The following GLG1 variants were observed in gnomAD, a reference collection of about 807,000 sequenced individuals.
GLG1 encodes Golgi apparatus protein 1.
A neutral mutation model predicts 160.5 loss-of-function variants in GLG1; 38 were observed. The observed-to-expected ratio is 0.24, with a 90% CI of 0.18 to 0.31. The LOEUF (loss-of-function observed/expected upper bound fraction) is 0.31. Among genes scored for constraint, GLG1 ranks in the 10% least tolerant of loss-of-function variants. The pLI is 1.00. For synonymous variants in GLG1, 644 were observed against 543.4 expected (o/e 1.19, Z -2.57); for missense variants, 1,373 against 1,505.2 (o/e 0.91, Z 1.45).
chr16:74,495,860 T>C (rs369608052), intron 5 of GLG1, among the ~76,000 whole-genome samples: 9 of 152,344 alleles, frequency 5.9e-5, no homozygotes, highest in East Asian at 1.9e-4. Flanking sequence ...GTCATCAAGG[T>C]TGAGCATCCA....
In GLG1 at chr16:74,494,826, T is replaced by G; in HGVS notation, c.984A>C (p.Gln328His). 1 of 1,462,728 alleles carries G rather than the reference T, an allele frequency of 6.8e-7. No homozygotes were observed. Among genetic ancestry groups the G allele is most frequent in the Non-Finnish European group, 9.6e-7 (1 of 1,042,184 alleles). 90.6% of individuals were successfully genotyped at this position (1,462,728 alleles called of 1,614,324 possible). A position where few individuals can be genotyped will look rare whatever the true frequency, so the allele number is the denominator to read the frequency against. The part of the protein sequence containing the change: ...DDRERFCENT[Q>H]AGEGRVYKCL... ...ACTTATACACTCTGCCCTCACCAGCTTGTGTCTATAAGATGGAACATACAC... is the reference window on the plus strand; with the variant it reads ...ACTTATACACTCTGCCCTCACCAGCGTGTGTCTATAAGATGGAACATACAC... The change falls in exon 6 of 26, where the codon CAA (glutamine) becomes CAC (histidine). Residue 328 changes from glutamine (Q) to histidine (H), a missense_variant. This residue lies in a region of GLG1 where 174 missense variants were observed against 229.9 expected (regional missense o/e 0.76). Coordinates refer to ENST00000422840, the MANE Select transcript of GLG1 (RefSeq NM_001145667.2).
At chr16:74,555,023 A>G (rs1368314518) in intron 1 of GLG1, among the ~76,000 whole-genome samples, 2 of 152,246 alleles carry the variant, frequency 1.3e-5, no homozygotes, top group African/African-American at 2.4e-5. Context: ...GTCTAAAATA[A>G]ATAAATAATA....
At chr16:74,501,900 C>T (rs1431931420) in intron 4 of GLG1, among the ~76,000 whole-genome samples, 1 of 152,144 alleles carries the variant, frequency 6.6e-6, no homozygotes, top group Non-Finnish European at 1.5e-5. Context: ...AAGATTTATG[C>T]CAAGCCACAG....
chr16:74,543,286 G>GA (rs975729814), intron 1 of GLG1, among the ~76,000 whole-genome samples: 3 of 152,170 alleles, frequency 2.0e-5, no homozygotes, highest in Non-Finnish European at 2.9e-5. Context: ...GCTAAATTGG[G>GA]AAAAAAATTT....
At chr16:74,591,977 C>T (rs1223000542) in intron 1 of GLG1, among the ~76,000 whole-genome samples, 3 of 152,170 alleles carry the variant, frequency 2.0e-5, no homozygotes, top group Non-Finnish European at 4.4e-5. Context: ...TTTACCCCTT[C>T]ATAGTGTACA....
intron 1 of GLG1, among the ~76,000 whole-genome samples, chr16:74,534,428 T>C (rs2017630825): frequency 6.6e-6 from 1 of 152,276 alleles, no homozygotes; most frequent in Admixed American, 6.5e-5. Flanking sequence ...AGGCAATTAA[T>C]ATCACAATCT....
At chr16:74,541,251 G>A (rs1287541060) in intron 1 of GLG1, among the ~76,000 whole-genome samples, 2 of 149,818 alleles carry the variant, frequency 1.3e-5, no homozygotes, top group Non-Finnish European at 3.0e-5. Context: ...TTGAACCTGG[G>A]AGGCAGAGGC....
In GLG1 at chr16:74,562,617, A is replaced by G. The variant is rs1020605159; in HGVS notation, c.439-30464T>C. ...TGGGATTACAGGCATGCGCCACCACACCCAGCTAATTTTTGTATTTTTAGT... is the reference window on the plus strand; with the variant it reads ...TGGGATTACAGGCATGCGCCACCACGCCCAGCTAATTTTTGTATTTTTAGT... On this transcript the variant is annotated intron_variant, in intron 1 of 25. Transcript: ENST00000422840. 1.4e-4 allele frequency among the ~76,000 whole-genome samples: 21 copies of G among 152,044 alleles called. 1 individual carries two copies. The highest frequency in any genetic ancestry group is 4.8e-4 in the African/African-American group (20 of 41,386).
intron 1 of GLG1, among the ~76,000 whole-genome samples, chr16:74,574,384 C>T (rs2018926965): frequency 6.6e-6 from 1 of 152,144 alleles, no homozygotes; most frequent in Admixed American, 6.5e-5. Flanking sequence ...CATCTGTTAA[C>T]AGTAACAGAT....
At position 74,462,213 on chromosome 16, in the gene GLG1, A is replaced by G; in HGVS notation, c.2935-18T>C. On this transcript the variant is annotated intron_variant, in intron 21 of 25. Coordinates refer to ENST00000422840, the MANE Select transcript of GLG1 (RefSeq NM_001145667.2). ...GACAGGCGCTGCATGTGACAAAGGG[A>G]GGATACATGGGCTGATCAGAAAACG... The G allele has an allele frequency of 7.4e-7, 1 of 1,345,334 alleles. No homozygotes were observed. The allele number at this position is 1,345,334 out of a possible 1,614,324, so 83.3% of individuals were successfully genotyped here. A position where few individuals can be genotyped will look rare whatever the true frequency, so the allele number is the denominator to read the frequency against.
At chr16:74,564,727 C>CTTAT (rs1212509757) in intron 1 of GLG1, among the ~76,000 whole-genome samples, 1 of 152,196 alleles carries the variant, frequency 6.6e-6, no homozygotes, top group Non-Finnish European at 1.5e-5. Context: ...TTGGATTAAG[C>CTTAT]TTATTCACTA....
rs1332049495 is a variant in GLG1, at chr16:74,450,150, A to T, written c.*3017T>A. 6.6e-6 allele frequency: 1 copy of T among 152,298 alleles called. No individual in the cohort carries two copies. Among genetic ancestry groups the T allele is most frequent in the Non-Finnish European group, 1.5e-5 (1 of 68,130 alleles). 9.4% of individuals were successfully genotyped at this position (152,298 alleles called of 1,614,324 possible). On this transcript the variant is annotated 3_prime_UTR_variant, in exon 26 of 26. Coordinates refer to ENST00000422840, the MANE Select transcript of GLG1 (RefSeq NM_001145667.2). ...TGCTATAACTGTTAGCAAGTACCTG[A>T]AGCCTTAGCCTTGGCAAAACCCCCT...
intron 1 of GLG1, among the ~76,000 whole-genome samples, chr16:74,592,307 T>A (rs1171827692): frequency 6.6e-6 from 1 of 152,184 alleles, no homozygotes; most frequent in East Asian, 1.9e-4. Context: ...CACACCTTGC[T>A]GATTTTTGTA....
At chr16:74,503,771 T>C (rs1567487492) in intron 3 of GLG1, 25 bp from the exon 4 acceptor site, 1 of 1,432,962 alleles carries the variant, frequency 7.0e-7, no homozygotes, top group Non-Finnish European at 9.8e-7. Flanking sequence ...GTAGCTGTTT[T>C]ACAAAAGTGT....
chr16:74,579,320 C>T (rs1423877022), intron 1 of GLG1, among the ~76,000 whole-genome samples: 3 of 150,960 alleles, frequency 2.0e-5, no homozygotes, highest in African/African-American at 7.3e-5. Flanking sequence ...GAGGCTGAGA[C>T]AGGAGGATCA....
At chr16:74,460,241 G>A (rs893041940) in intron 22 of GLG1, among the ~76,000 whole-genome samples, 7 of 152,140 alleles carry the variant, frequency 4.6e-5, no homozygotes, top group African/African-American at 1.4e-4. Flanking sequence ...GGCTGGTCTC[G>A]AACTTCTGAT....
chr16:74,515,826 T>C (rs1162805312), intron 2 of GLG1, among the ~76,000 whole-genome samples: 6 of 151,492 alleles, frequency 4.0e-5, no homozygotes, highest in Admixed American at 3.9e-4. Flanking sequence ...GAGACACACA[T>C]AGTCTCAAAA....
intron 1 of GLG1, among the ~76,000 whole-genome samples, chr16:74,587,793 T>A (rs549837779): frequency 1.3e-5 from 2 of 151,402 alleles, no homozygotes; most frequent in South Asian, 2.1e-4. Flanking sequence ...GAGGCGGAGG[T>A]TGCAGTGAGC....
chr16:74,511,787 C>T (rs1375671940), intron 2 of GLG1, among the ~76,000 whole-genome samples: 3 of 151,994 alleles, frequency 2.0e-5, no homozygotes, highest in Non-Finnish European at 4.4e-5. Flanking sequence ...TTTAGATGAC[C>T]ATTTAGATTT....
Sources: allele counts gnomAD v4.1 joint callset (sites outside exome capture counted in the v4.1 genomes callset), GRCh38; gene constraint gnomAD v4.1.1; regional missense constraint gnomAD v4.1.1; transcripts MANE v1.5; gene names NCBI Gene and HGNC (gene_info 2026-07-23, HGNC 2026-07-21).